SBF2: variants seen among roughly 807,000 people sequenced by gnomAD.
The protein encoded by SBF2 is myotubularin-related protein 13.
SBF2 carries 112 observed loss-of-function variants against 225.2 expected under a neutral mutation model. That is an observed-to-expected ratio of 0.50 (90% confidence interval 0.43 to 0.58). The LOEUF is 0.58. Ranked by LOEUF, SBF2 falls within the 20% of genes least tolerant of loss-of-function variation. The pLI is 0.00. For synonymous variants in SBF2, 763 were observed against 773.3 expected, an observed-to-expected ratio of 0.99 and a Z score of 0.22; for missense variants, 1,996 against 2,206.2, an observed-to-expected ratio of 0.90 and a Z score of 1.91.
rs904625897 is a variant in SBF2 at position 10,161,332 on chromosome 11, C to T, written c.141+32570G>A. On this transcript the variant is annotated intron_variant, in intron 2 of 39. Coordinates refer to ENST00000256190, the MANE Select transcript of SBF2 (RefSeq NM_030962.4). ...ACTCTACTCCTAATAGGGTATGAAG[C>T]CTCACAGTGTTTGCCAGTTATACTG... 2.0e-5 allele frequency among the ~76,000 whole-genome samples: 3 copies of T among 152,062 alleles called. No individual in the cohort carries two copies. The East Asian group carries it at 5.8e-4, about 29-fold the overall frequency.
rs1183665506 is a variant in SBF2, at chr11:9,994,573, T to G, written c.976-575A>C. ...ACAAAATAAACCCTAAATCTATATA[T>G]GTACATATATATATATATATGAAAA... is the stretch of plus-strand genomic sequence containing the variant. On this transcript the variant is annotated intron_variant, in intron 9 of 39. Coordinates refer to ENST00000256190, the MANE Select transcript of SBF2 (RefSeq NM_030962.4). 2.1e-5 allele frequency among the ~76,000 whole-genome samples: 3 copies of G among 143,844 alleles called. 1 individual carries two copies. Among genetic ancestry groups the G allele is most frequent in the African/African-American group, 7.5e-5 (3 of 39,820 alleles). The allele number at this position is 143,844 out of a possible 152,430, so 94.4% of individuals were successfully genotyped here.
At chr11:10,152,096 G>T (rs973816004) in intron 2 of SBF2, among the ~76,000 whole-genome samples, 27 of 152,100 alleles carry the variant, frequency 1.8e-4, no homozygotes, top group African/African-American at 5.6e-4. Flanking sequence ...TGTTCTATTT[G>T]TAAAAACTAT....
At chr11:9,825,732 T>TA (rs34021084) in intron 28 of SBF2, among the ~76,000 whole-genome samples, 1 of 152,002 alleles carries the variant, frequency 6.6e-6, no homozygotes, top group African/African-American at 2.4e-5. Context: ...TAGTTACTTT[T>TA]AAAAAAAAGC....
chr11:10,277,689 A>G (rs1473141646), intron 1 of SBF2, among the ~76,000 whole-genome samples: 1 of 152,170 alleles, frequency 6.6e-6, no homozygotes, highest in Non-Finnish European at 1.5e-5. Flanking sequence ...AATGATTAGC[A>G]TCTTTATAAA....
chr11:10,293,262 A>G (rs1964285004), intron 1 of SBF2, among the ~76,000 whole-genome samples: 1 of 152,244 alleles, frequency 6.6e-6, no homozygotes, highest in South Asian at 2.1e-4. Context: ...TAAAGTGTAA[A>G]ATACAATGCA....
At position 9,808,181 on chromosome 11, in the gene SBF2, G is replaced by A. The variant is rs1479754998; in HGVS notation, c.4262C>T (p.Thr1421Ile). 2 of 1,613,516 alleles carry A rather than the reference G, an allele frequency of 1.2e-6. No homozygotes were observed. Among genetic ancestry groups the A allele is most frequent in the Non-Finnish European group, 1.7e-6 (2 of 1,179,804 alleles). ...EEGWDITAQVTSLVQLLSDPF... is the reference protein window; with the variant it reads ...EEGWDITAQVISLVQLLSDPF... ...ATCACTGAGTAACTGAACCAGGGAT[G>A]TCACCTAGGGCATAAGCAGGATGGA... Residue 1421 changes from threonine to isoleucine, a missense_variant, in exon 32 of 40, where the codon ACA becomes ATA. Thr to Ile is a moderately conservative substitution (Grantham distance 89). Coordinates refer to ENST00000256190, the MANE Select transcript of SBF2 (RefSeq NM_030962.4).
chr11:10,247,075 T>C (rs930431765), intron 1 of SBF2, among the ~76,000 whole-genome samples: 3 of 152,126 alleles, frequency 2.0e-5, no homozygotes, highest in African/African-American at 7.2e-5. Flanking sequence ...AATAAGACCC[T>C]GTCTTTAAAA....
intron 1 of SBF2, among the ~76,000 whole-genome samples, chr11:10,259,982 T>C (rs1961271499): frequency 6.6e-6 from 1 of 152,206 alleles, no homozygotes; most frequent in Non-Finnish European, 1.5e-5. Context: ...TGAATCATAT[T>C]AATTTCACTC....
At chr11:10,274,531 A>T (rs1962797859) in intron 1 of SBF2, among the ~76,000 whole-genome samples, 1 of 152,138 alleles carries the variant, frequency 6.6e-6, no homozygotes, top group Non-Finnish European at 1.5e-5. Flanking sequence ...CAGACGGATC[A>T]CCTGAGGTCA....
chr11:9,976,074 T>C (rs78470913), intron 13 of SBF2, among the ~76,000 whole-genome samples: 1 of 115,308 alleles, frequency 8.7e-6, no homozygotes, highest in African/African-American at 3.0e-5. Context: ...TTCTTCTTCT[T>C]TTTTTTTTTT....
chr11:9,863,129 A>G (rs1857902404), intron 17 of SBF2, among the ~76,000 whole-genome samples: 1 of 152,242 alleles, frequency 6.6e-6, no homozygotes, highest in Admixed American at 6.5e-5. Context: ...AAGCAATGCC[A>G]TTCATTTTCC....
At chr11:10,098,362 C>T (rs1365642482) in intron 2 of SBF2, among the ~76,000 whole-genome samples, 1 of 151,874 alleles carries the variant, frequency 6.6e-6, no homozygotes, top group Non-Finnish European at 1.5e-5. Flanking sequence ...CCTCCAGAAT[C>T]CCCACCTCAG....
At chr11:9,827,388 G>T (rs1470822894) in intron 28 of SBF2, among the ~76,000 whole-genome samples, 1 of 152,166 alleles carries the variant, frequency 6.6e-6, no homozygotes, top group East Asian at 1.9e-4. Flanking sequence ...ATTTAGCTGG[G>T]AGTGGTGGCA....
chr11:10,139,732 C>T (rs558702547), intron 2 of SBF2, among the ~76,000 whole-genome samples: 1 of 152,316 alleles, frequency 6.6e-6, no homozygotes, highest in East Asian at 1.9e-4. Flanking sequence ...TTCCTGCCTT[C>T]ATTCCAAAAA....
chr11:9,789,444 G>A, intron 34 of SBF2, 102 bp from the exon 35 acceptor site: 1 of 764,544 alleles, frequency 1.3e-6, no homozygotes, highest in Non-Finnish European at 2.3e-6. Context: ...GGGAGGAAGA[G>A]TATGAATGGA....
In SBF2 at chr11:9,790,787, G is replaced by A. The variant is rs1852692720; in HGVS notation, c.4571-104C>T. ...ATAAAAAAGTGGAATATTTTTTATG[G>A]CTTTAAAAACAGCAACATTTGTGTG... On this transcript the variant is annotated intron_variant, in intron 33 of 39. Coordinates refer to ENST00000256190, the MANE Select transcript of SBF2 (RefSeq NM_030962.4). The A allele has an allele frequency of 5.5e-6, 5 of 904,732 alleles. No individual in the cohort carries two copies. The Admixed American group carries it at 1.1e-4, about 20-fold the overall frequency. The allele number at this position is 904,732 out of a possible 1,614,324, so 56.0% of individuals were successfully genotyped here. A position where few individuals can be genotyped will look rare whatever the true frequency, so the allele number is the denominator to read the frequency against.
At chr11:9,980,646 G>T (rs1177615033) in intron 13 of SBF2, among the ~76,000 whole-genome samples, 1 of 151,522 alleles carries the variant, frequency 6.6e-6, no homozygotes, top group Non-Finnish European at 1.5e-5. Flanking sequence ...GAGTGCAGTG[G>T]CGAGATCTCG....
intron 31 of SBF2, chr11:9,808,580 T>C (rs955016778): frequency 1.7e-5 from 7 of 407,444 alleles, no homozygotes; most frequent in Non-Finnish European, 2.3e-5. Context: ...GCGGGGCTTA[T>C]AGAGAGCCAG....
chr11:9,824,593 A>T (rs958516229), intron 28 of SBF2, among the ~76,000 whole-genome samples: 2 of 151,844 alleles, frequency 1.3e-5, no homozygotes, highest in African/African-American at 4.8e-5. Flanking sequence ...AAAGAAAAAG[A>T]TTGTTGAAAA....
Sources: allele counts gnomAD v4.1 joint callset (sites outside exome capture counted in the v4.1 genomes callset), GRCh38; gene constraint gnomAD v4.1.1; transcripts MANE v1.5; gene names NCBI Gene and HGNC (gene_info 2026-07-23, HGNC 2026-07-21).